Variants in SLC9A9 observed in about 807,000 individuals in gnomAD.
SLC9A9 encodes solute carrier family 9 member A9, also known as sodium/hydrogen exchanger 9.
Under a neutral mutation model 77.8 loss-of-function variants are expected in SLC9A9, and 62 were observed. That is an observed-to-expected ratio of 0.80 (90% CI 0.65 to 0.98). SLC9A9 has a LOEUF of 0.98. Among genes scored for constraint, SLC9A9 ranks in the 50% least tolerant of loss-of-function variants. The pLI is 0.00. For synonymous variants in SLC9A9, 320 were observed against 283.5 expected, an observed-to-expected ratio of 1.13 and a Z score of -1.29; for missense variants, 775 against 774.9, an observed-to-expected ratio of 1.00 and a Z score of 0.00.
chr3:143,737,468 T>A (rs572198791), intron 4 of SLC9A9, among the ~76,000 whole-genome samples: 2 of 148,988 alleles, frequency 1.3e-5, no homozygotes, highest in East Asian at 3.9e-4. Flanking sequence ...ACCCATGTAA[T>A]GAGAGTTAAA....
intron 4 of SLC9A9, among the ~76,000 whole-genome samples, chr3:143,702,338 C>A (rs1046349744): frequency 6.6e-6 from 1 of 151,938 alleles, no homozygotes; most frequent in Non-Finnish European, 1.5e-5. Context: ...ATGAACCAAT[C>A]AAAAATAATA....
rs201091337 is a variant in SLC9A9, at chr3:143,530,654, AAAACAAAC to A, written c.1089+21700_1089+21707del. Reference sequence around the variant, plus strand: ...AGAAATCTGAAAAACAAAACAAAACAAAACAAACAAACAAACAAACAAAAACCAAAAAC... The same window carrying A: ...AGAAATCTGAAAAACAAAACAAAACAAAACAAACAAACAAAAACCAAAAAC... On this transcript the variant is annotated intron_variant, in intron 9 of 15. Coordinates refer to ENST00000316549, the MANE Select transcript of SLC9A9 (RefSeq NM_173653.4). Among the ~76,000 whole-genome samples the A allele has an allele frequency of 9.7e-3, 1,299 of 134,364 alleles. 37 individuals are homozygous for A. Among genetic ancestry groups the A allele is most frequent in the Admixed American group, 0.062 (819 of 13,270 alleles). 88.1% of individuals were successfully genotyped at this position (134,364 alleles called of 152,430 possible).
chr3:143,781,299 A>G (rs962507658), intron 4 of SLC9A9, among the ~76,000 whole-genome samples: 6 of 152,234 alleles, frequency 3.9e-5, no homozygotes, highest in African/African-American at 7.2e-5. Context: ...CCTCTTTAAT[A>G]TTCTAACGAA....
At chr3:143,545,850 C>T (rs1400248491) in intron 9 of SLC9A9, among the ~76,000 whole-genome samples, 2 of 152,138 alleles carry the variant, frequency 1.3e-5, no homozygotes, top group East Asian at 3.9e-4. Context: ...AACTCTAATT[C>T]CTCCTCTCAT....
At chr3:143,276,366 G>T (rs1227033402) in intron 14 of SLC9A9, among the ~76,000 whole-genome samples, 1 of 152,174 alleles carries the variant, frequency 6.6e-6, no homozygotes. Context: ...TGTGGTATTG[G>T]TGGTTTGTCT....
chr3:143,786,387 C>T (rs2008059189), intron 4 of SLC9A9, among the ~76,000 whole-genome samples: 1 of 152,038 alleles, frequency 6.6e-6, no homozygotes, highest in Admixed American at 6.6e-5. Flanking sequence ...TTTATTCCCT[C>T]GGGACTTGCT....
chr3:143,368,508 AG>A (rs1244018994), intron 13 of SLC9A9, among the ~76,000 whole-genome samples: 1 of 152,184 alleles, frequency 6.6e-6, no homozygotes, highest in African/African-American at 2.4e-5. Flanking sequence ...TCCTCATTTC[AG>A]GGGGATTCAG....
In SLC9A9 at chr3:143,285,065, T is replaced by G. The variant is rs140512954; in HGVS notation, c.1605-16085A>C. Among the ~76,000 whole-genome samples, 1,083 of 152,322 alleles carry G rather than the reference T, an allele frequency of 7.1e-3. 3 individuals are homozygous for G. Among genetic ancestry groups the G allele is most frequent in the Non-Finnish European group, 0.011 (753 of 68,018 alleles). On this transcript the variant is annotated intron_variant, in intron 14 of 15. Transcript: ENST00000316549. ...TGCTATTCTTGTCCCCAAAGTCTAT[T>G]CAACTCTCTGATGTTCTGGCTCAAA...
chr3:143,361,378 C>T (rs1415625528), intron 14 of SLC9A9, among the ~76,000 whole-genome samples: 1 of 152,170 alleles, frequency 6.6e-6, no homozygotes, highest in East Asian at 1.9e-4. Flanking sequence ...GGATGAGGGG[C>T]TAATCTCTAC....
At chr3:143,560,365 TG>T (rs1348396648) in intron 8 of SLC9A9, among the ~76,000 whole-genome samples, 2 of 152,226 alleles carry the variant, frequency 1.3e-5, no homozygotes, top group Non-Finnish European at 2.9e-5. Flanking sequence ...CCCTTATTCT[TG>T]ACCTCTTAGC....
At chr3:143,518,836 A>G (rs1023751556) in intron 9 of SLC9A9, among the ~76,000 whole-genome samples, 2 of 152,220 alleles carry the variant, frequency 1.3e-5, no homozygotes, top group African/African-American at 4.8e-5. Context: ...ACAGTGGAAC[A>G]GTGGAACTTT....
At chr3:143,663,036 T>A (rs1294719374) in intron 5 of SLC9A9, among the ~76,000 whole-genome samples, 2 of 152,136 alleles carry the variant, frequency 1.3e-5, no homozygotes, top group East Asian at 3.9e-4. Context: ...CACCTCCCAG[T>A]AGGGGCTGAC....
chr3:143,412,759 T>C (rs1261356272), intron 12 of SLC9A9, among the ~76,000 whole-genome samples: 1 of 152,244 alleles, frequency 6.6e-6, no homozygotes, highest in African/African-American at 2.4e-5. Flanking sequence ...AGATTTTCTG[T>C]GCAACCGTCT....
intron 13 of SLC9A9, among the ~76,000 whole-genome samples, chr3:143,369,363 G>A (rs1314714128): frequency 1.3e-5 from 2 of 152,148 alleles, no homozygotes. Flanking sequence ...GTGAGGGGAG[G>A]ATAGAGAGAG....
intron 5 of SLC9A9, among the ~76,000 whole-genome samples, chr3:143,660,898 A>C (rs553634000): frequency 9.8e-5 from 15 of 152,342 alleles, no homozygotes; most frequent in African/African-American, 3.4e-4. Flanking sequence ...ACGAGGCTGT[A>C]GATTTTCAAA....
chr3:143,394,164 G>A (rs2033640453), intron 12 of SLC9A9, among the ~76,000 whole-genome samples: 2 of 152,252 alleles, frequency 1.3e-5, no homozygotes, highest in East Asian at 1.9e-4. Context: ...GAGAATTTTA[G>A]ACCAATATCC....
intron 12 of SLC9A9, among the ~76,000 whole-genome samples, chr3:143,427,395 A>G (rs1402049861): frequency 2.0e-5 from 3 of 152,266 alleles, no homozygotes; most frequent in African/African-American, 7.2e-5. Context: ...TTAAAAAACT[A>G]TTCTGAAATC....
intron 9 of SLC9A9, among the ~76,000 whole-genome samples, chr3:143,509,154 G>T (rs892112643): frequency 2.6e-5 from 4 of 152,138 alleles, no homozygotes; most frequent in African/African-American, 9.6e-5. Context: ...GACATGATAA[G>T]AAATTGGAGA....
At chr3:143,631,461 T>C (rs1470367308) in intron 6 of SLC9A9, among the ~76,000 whole-genome samples, 1 of 152,168 alleles carries the variant, frequency 6.6e-6, no homozygotes, top group African/African-American at 2.4e-5. Context: ...GGTACTCTTG[T>C]TCAATATTAC....
Sources: allele counts gnomAD v4.1 joint callset (sites outside exome capture counted in the v4.1 genomes callset), GRCh38; gene constraint gnomAD v4.1.1; transcripts MANE v1.5; gene names NCBI Gene and HGNC (gene_info 2026-07-23, HGNC 2026-07-21).